Variants in PRTG observed in about 807,000 individuals in gnomAD.
The protein encoded by PRTG is immunoglobulin superfamily, DCC subclass, member 5.
PRTG carries 67 observed loss-of-function variants against 122.5 expected under a neutral mutation model. That is an observed-to-expected ratio of 0.55 (90% CI 0.45 to 0.67). PRTG has a LOEUF of 0.67. Among genes scored for constraint, PRTG ranks in the 30% least tolerant of loss-of-function variants. The probability of loss-of-function intolerance (pLI) is 0.00; values close to 1 mark genes in which losing one functional copy is unlikely to be tolerated. For missense variants in PRTG, 1,435 were observed against 1,415.4 expected (o/e 1.01, Z -0.22); for synonymous variants, 554 against 501.1 (o/e 1.11, Z -1.41).
At chr15:55,623,459 CG>C (rs1156750728) in intron 18 of PRTG, among the ~76,000 whole-genome samples, 2 of 152,040 alleles carry the variant, frequency 1.3e-5, no homozygotes, top group Non-Finnish European at 2.9e-5. Context: ...CCCGGCTACT[CG>C]GGAGGCTGAG....
Position 55,620,238 on chromosome 15 carries a change from C to T in PRTG, c.3227G>A (p.Cys1076Tyr), listed in dbSNP as rs1477546649. Residue 1076 changes from cysteine to tyrosine, a missense_variant, in exon 20 of 20, where the codon TGC (cysteine) becomes TAC (tyrosine). Cys to Tyr is a radical substitution (Grantham distance 194). Transcript: ENST00000389286. Reference sequence around the variant, plus strand: ...TACAGTGGTGCCTGGCTGGTAAAAGCAGACCGCTGGAGTAAATCTTCTTTG... The same window carrying T: ...TACAGTGGTGCCTGGCTGGTAAAAGTAGACCGCTGGAGTAAATCTTCTTTG... Reference protein sequence around the residue: ...QPQRRFTPAVCFYQPGTTVLI... With the variant: ...QPQRRFTPAVYFYQPGTTVLI... 6.2e-7 allele frequency: 1 copy of T among 1,614,026 alleles called. No individual in the cohort carries two copies. The highest frequency in any genetic ancestry group is 8.5e-7 in the Non-Finnish European group (1 of 1,180,036).
intron 11 of PRTG, chr15:55,655,483 T>G (rs1010187644): frequency 1.3e-5 from 2 of 152,228 alleles, no homozygotes; most frequent in African/African-American, 4.8e-5. Flanking sequence ...AATATCAGTT[T>G]ACAAACATTT....
Position 55,624,434 on chromosome 15 carries a change from C to T in PRTG, c.3001G>A (p.Gly1001Arg), listed in dbSNP as rs1255024600. ...TCCAGGTTCTTTCCTACCTCATTTC[C>T]ACTAGCTAAGGAGGCACTGGTACGA... is the stretch of plus-strand genomic sequence containing the variant. Reference protein sequence around the residue: ...LPRTSASLASGNEVGKNLEGA... With the variant: ...LPRTSASLASRNEVGKNLEGA... The change falls in exon 18 of 20, where the codon GGA (glycine) becomes AGA (arginine). Residue 1001 changes from glycine (G) to arginine (R), a missense_variant. Gly to Arg is a moderately radical substitution (Grantham distance 125). Transcript: ENST00000389286. The T allele has an allele frequency of 6.2e-7, 1 of 1,613,876 alleles. No homozygotes were observed. The highest frequency in any genetic ancestry group is 8.5e-7 in the Non-Finnish European group (1 of 1,179,924).
In PRTG at chr15:55,620,067, G is replaced by A; in HGVS notation, c.3398C>T (p.Ser1133Phe). The A allele has an allele frequency of 6.2e-7, 1 of 1,614,158 alleles. No individual in the cohort carries two copies. The highest frequency in any genetic ancestry group is 1.6e-4 in the Middle Eastern group (1 of 6,062). Residue 1133 changes from serine (S) to phenylalanine (F), a missense_variant, in exon 20 of 20, where the codon TCC (serine) becomes TTC (phenylalanine). By Grantham distance (155) the Ser-to-Phe change is radical. Coordinates refer to ENST00000389286, the MANE Select transcript of PRTG (RefSeq NM_173814.6). ...TGAGGACAGATGTATCTCATCGTTG[G>A]ACTCATGAGAAAACCGCCCAGAATC... The part of the protein sequence containing the change: ...TGDSGRFSHE[S>F]NDEIHLSSVI...
At chr15:55,716,846 CAT>C (rs1398388989) in intron 2 of PRTG, among the ~76,000 whole-genome samples, 5 of 151,524 alleles carry the variant, frequency 3.3e-5, no homozygotes, top group African/African-American at 1.2e-4. Flanking sequence ...TGTGTATGTA[CAT>C]ATATATATGT....
In PRTG at chr15:55,702,214, A is replaced by G. The variant is rs190423332; in HGVS notation, c.398-18283T>C. Among the ~76,000 whole-genome samples, 729 of 152,348 alleles carry G rather than the reference A, an allele frequency of 4.8e-3. 1 individual carries two copies. Among genetic ancestry groups the G allele is most frequent in the Non-Finnish European group, 7.7e-3 (521 of 68,028 alleles). ...AGGAAGACAGCACACAGAGATTTAA[A>G]AAGCTGACTCCTAGAGACTATCTTC... On this transcript the variant is annotated intron_variant, in intron 2 of 19. Coordinates refer to ENST00000389286, the MANE Select transcript of PRTG (RefSeq NM_173814.6).
intron 16 of PRTG, among the ~76,000 whole-genome samples, chr15:55,628,269 G>C (rs940691760): frequency 6.6e-6 from 1 of 152,002 alleles, no homozygotes; most frequent in Non-Finnish European, 1.5e-5. Flanking sequence ...GCAGTGTCCA[G>C]TCCTGTGCTA....
intron 18 of PRTG, among the ~76,000 whole-genome samples, chr15:55,622,893 T>C (rs2061964377): frequency 1.3e-5 from 2 of 152,166 alleles, no homozygotes; most frequent in South Asian, 4.1e-4. Flanking sequence ...TTTAGATCAA[T>C]TTGAAATAAG....
At chr15:55,677,513 C>T (rs980303997) in intron 8 of PRTG, among the ~76,000 whole-genome samples, 3 of 152,078 alleles carry the variant, frequency 2.0e-5, no homozygotes, top group Admixed American at 6.5e-5. Context: ...GAATGAAATT[C>T]GTAAGTACAC....
At chr15:55,695,996 C>T (rs972721375) in intron 2 of PRTG, among the ~76,000 whole-genome samples, 1 of 151,874 alleles carries the variant, frequency 6.6e-6, no homozygotes, top group African/African-American at 2.4e-5. Context: ...ACAGGGAGGC[C>T]AGACACAGTG....
chr15:55,718,153 T>A (rs1264398763), intron 2 of PRTG, among the ~76,000 whole-genome samples: 1 of 152,096 alleles, frequency 6.6e-6, no homozygotes, highest in Non-Finnish European at 1.5e-5. Context: ...AAAACCTAAA[T>A]GCCTTATTTT....
chr15:55,706,604 AAAG>A (rs2030131158), intron 2 of PRTG, among the ~76,000 whole-genome samples: 2 of 144,252 alleles, frequency 1.4e-5, no homozygotes, highest in Admixed American at 1.4e-4. Flanking sequence ...AAAAAAAAAA[AAAG>A]TTGTTTTAAT....
At chr15:55,643,134 G>A (rs28377652) in intron 11 of PRTG, among the ~76,000 whole-genome samples, 1 of 151,892 alleles carries the variant, frequency 6.6e-6, no homozygotes, top group African/African-American at 2.4e-5. Context: ...ACTCTCCAAA[G>A]TAGTATGTTT....
chr15:55,733,775 C>T (rs559369201), intron 2 of PRTG, among the ~76,000 whole-genome samples: 17 of 152,132 alleles, frequency 1.1e-4, no homozygotes, highest in African/African-American at 4.1e-4. Context: ...TGCAGGACGC[C>T]GTGACTGCAC....
At chr15:55,723,601 G>A (rs1170177777) in intron 2 of PRTG, among the ~76,000 whole-genome samples, 2 of 151,896 alleles carry the variant, frequency 1.3e-5, no homozygotes, top group African/African-American at 4.8e-5. Flanking sequence ...TTCCAAGTAA[G>A]ACAAATTAAA....
chr15:55,624,064 A>G (rs1414464704), intron 18 of PRTG, among the ~76,000 whole-genome samples: 1 of 152,176 alleles, frequency 6.6e-6, no homozygotes, highest in African/African-American at 2.4e-5. Context: ...TTCACTCCAT[A>G]TAATCTCATC....
chr15:55,739,162 T>A (rs1318277211), intron 2 of PRTG, among the ~76,000 whole-genome samples: 1 of 152,048 alleles, frequency 6.6e-6, no homozygotes, highest in African/African-American at 2.4e-5. Flanking sequence ...AAATGGACCA[T>A]GAACAGTAAA....
chr15:55,683,047 C>T (rs1279870804), intron 3 of PRTG, among the ~76,000 whole-genome samples: 4 of 152,048 alleles, frequency 2.6e-5, no homozygotes, highest in East Asian at 1.9e-4. Flanking sequence ...ATCTATCAGT[C>T]GAATTTTACA....
intron 2 of PRTG, among the ~76,000 whole-genome samples, chr15:55,713,641 C>G (rs1202929474): frequency 1.3e-5 from 2 of 152,118 alleles, no homozygotes; most frequent in African/African-American, 4.8e-5. Flanking sequence ...AAAATAGTAT[C>G]TTCTTTAAAA....
Sources: gnomAD v4.1 joint callset for allele counts (sites outside exome capture counted in the v4.1 genomes callset) on GRCh38, gnomAD v4.1.1 for gene constraint, MANE v1.5 for transcripts, NCBI Gene and HGNC (gene_info 2026-07-23, HGNC 2026-07-21) for gene names.